The following CSPP1 variants were observed in gnomAD, a reference collection of about 807,000 sequenced individuals.
CSPP1 encodes centrosome and spindle pole-associated protein 1.
Under a neutral mutation model 164.4 loss-of-function variants are expected in CSPP1, and 126 were observed. The ratio of observed to expected loss-of-function variants is 0.77; its 90% CI spans 0.66 to 0.89. The LOEUF (loss-of-function observed/expected upper bound fraction) is 0.89. Among genes scored for constraint, CSPP1 ranks in the 40% least tolerant of loss-of-function variants. CSPP1 has a pLI of 0.00. For synonymous variants in CSPP1, 472 were observed against 476.7 expected, an observed-to-expected ratio of 0.99 and a Z score of 0.13; for missense variants, 1,395 against 1,449.8, an observed-to-expected ratio of 0.96 and a Z score of 0.61.
intron 4 of CSPP1, among the ~76,000 whole-genome samples, chr8:67,088,632 G>C (rs62513083): frequency 1 from 149,784 of 149,790 alleles, 74,889 homozygotes; most frequent in Non-Finnish European, 1. Flanking sequence ...GGGCACGGCT[G>C]ACGCCTGTAA....
At position 67,180,371 on chromosome 8, in the gene CSPP1, A is replaced by G. The variant is rs115897198; in HGVS notation, c.3220+445A>G. ...TACTACTGTATGATTCAATTTACAT[A>G]ACATTTTTGAAATTACAAAATTAAG... On this transcript the variant is annotated intron_variant, in intron 28 of 30. Coordinates refer to ENST00000678616, the MANE Select transcript of CSPP1 (RefSeq NM_001382391.1). Among the ~76,000 whole-genome samples the G allele has an allele frequency of 5.9e-3, 892 of 152,362 alleles. 7 individuals carry two copies. Among genetic ancestry groups the G allele is most frequent in the African/African-American group, 0.02 (833 of 41,582 alleles).
chr8:67,183,304 T>A (rs372347827), intron 28 of CSPP1, among the ~76,000 whole-genome samples: 7 of 152,210 alleles, frequency 4.6e-5, no homozygotes, highest in Non-Finnish European at 8.8e-5. Context: ...CTGGATATAA[T>A]GGATGTCGAA....
In CSPP1 at chr8:67,082,057, A is replaced by C. The variant is rs1809305507; in HGVS notation, c.200-3950A>C. On this transcript the variant is annotated intron_variant, in intron 3 of 30. Coordinates refer to ENST00000678616, the MANE Select transcript of CSPP1 (RefSeq NM_001382391.1). ...CATCTGTCTAGTTGTAGTTTTAATT[A>C]TTTGTTTTGAGATAGAGTCTCGCTC... Among the ~76,000 whole-genome samples, 10 of 152,036 alleles carry C rather than the reference A, an allele frequency of 6.6e-5. No homozygotes were observed. The South Asian group carries it at 2.1e-3, about 32-fold the overall frequency.
chr8:67,110,885 T>C (rs1176336742), intron 9 of CSPP1, among the ~76,000 whole-genome samples: 1 of 152,172 alleles, frequency 6.6e-6, no homozygotes, highest in Non-Finnish European at 1.5e-5. Context: ...TGTTTATTTG[T>C]TTTTTAAACT....
intron 3 of CSPP1, among the ~76,000 whole-genome samples, chr8:67,078,892 G>A (rs1256547348): frequency 1.3e-5 from 2 of 152,082 alleles, no homozygotes; most frequent in Non-Finnish European, 2.9e-5. Context: ...AGGATCACTT[G>A]AACCTAGGAG....
intron 24 of CSPP1, among the ~76,000 whole-genome samples, chr8:67,171,111 G>C (rs1293825400): frequency 6.8e-6 from 1 of 147,894 alleles, no homozygotes; most frequent in East Asian, 2.1e-4. Flanking sequence ...TTTAAGAGAC[G>C]GGGGGCCGGG....
At chr8:67,167,557 G>A (rs1244422320) in intron 24 of CSPP1, among the ~76,000 whole-genome samples, 5 of 150,286 alleles carry the variant, frequency 3.3e-5, no homozygotes, top group African/African-American at 7.3e-5. Flanking sequence ...GCTGCTGGGC[G>A]GAGGGGCTCC....
chr8:67,181,518 T>C lies in CSPP1; in HGVS notation c.3220+1592T>C, dbSNP rs142531370. On this transcript the variant is annotated intron_variant, in intron 28 of 30. Coordinates refer to ENST00000678616, the MANE Select transcript of CSPP1 (RefSeq NM_001382391.1). ...CCACTCAAGATGGTGTGTTGGAGTA[T>C]TGCATGACACTAGAGCAAAGATACA... Among the ~76,000 whole-genome samples, 14 of 152,122 alleles carry C rather than the reference T, an allele frequency of 9.2e-5. No individual in the cohort carries two copies. In the East Asian group the frequency reaches 2.7e-3, roughly 29 times the overall value.
At chr8:67,076,857 G>A (rs771064646) in intron 3 of CSPP1, among the ~76,000 whole-genome samples, 2 of 152,138 alleles carry the variant, frequency 1.3e-5, no homozygotes, top group Non-Finnish European at 2.9e-5. Context: ...AAAGGAATTT[G>A]TGTGTGTGAG....
At chr8:67,127,537 C>T (rs183282819) in intron 15 of CSPP1, among the ~76,000 whole-genome samples, 15 of 152,288 alleles carry the variant, frequency 9.8e-5, no homozygotes, top group African/African-American at 2.2e-4. Flanking sequence ...CAGAATAGTA[C>T]GCAGGGCTTT....
chr8:67,156,951 T>C (rs1422039011), intron 19 of CSPP1, among the ~76,000 whole-genome samples: 1 of 152,216 alleles, frequency 6.6e-6, no homozygotes, highest in Non-Finnish European at 1.5e-5. Context: ...GTTGAACAAC[T>C]GTCTAGCATT....
At chr8:67,094,271 CTTTTTTTTTTT>C (rs762941914) in intron 6 of CSPP1, among the ~76,000 whole-genome samples, 3 of 121,500 alleles carry the variant, frequency 2.5e-5, no homozygotes, top group African/African-American at 9.4e-5. Flanking sequence ...TTTATCCTCT[CTTTTTTTTTTT>C]TTTTTTTTTG....
At chr8:67,078,064 T>G (rs111987617) in intron 3 of CSPP1, among the ~76,000 whole-genome samples, 96 of 152,304 alleles carry the variant, frequency 6.3e-4, no homozygotes, top group African/African-American at 2.1e-3. Flanking sequence ...TTTATGAATC[T>G]AAATTTTAAT....
intron 27 of CSPP1, 116 bp downstream of exon 27, chr8:67,177,842 T>C (rs1286743420): frequency 2.5e-6 from 2 of 786,706 alleles, no homozygotes; most frequent in Admixed American, 1.8e-5. Context: ...ATTAAGAACG[T>C]AAGTCTTATC....
At chr8:67,159,911 T>TCTTTCTTC (rs1827660814) in intron 21 of CSPP1, among the ~76,000 whole-genome samples, 3 of 68,096 alleles carry the variant, frequency 4.4e-5, no homozygotes, top group Admixed American at 1.6e-4. Flanking sequence ...TTTCTTTCTT[T>TCTTTCTTC]CTTTCTTTCT....
At chr8:67,131,442 GTT>G (rs1235229911) in intron 15 of CSPP1, among the ~76,000 whole-genome samples, 2 of 152,080 alleles carry the variant, frequency 1.3e-5, no homozygotes, top group Non-Finnish European at 2.9e-5. Context: ...ACAACAATAT[GTT>G]TAACATTTTT....
At position 67,118,308 on chromosome 8, in the gene CSPP1, T is replaced by G; in HGVS notation, c.1557T>G (p.Pro519=). The change falls in exon 14 of 31, where the codon CCT becomes CCG. Residue 519 remains proline, a synonymous_variant. Coordinates refer to ENST00000678616, the MANE Select transcript of CSPP1 (RefSeq NM_001382391.1). ...CTTTGGCTACTAACTATCGAACTCC[T>G]TATGATGATGCATACTATTTTTATG... ...LPPLATNYRT[P]YDDAYYFYGS... is the part of the protein sequence containing the mutation. The G allele has an allele frequency of 6.2e-7, 1 of 1,613,522 alleles. No homozygotes were observed. The highest frequency in any genetic ancestry group is 1.1e-5 in the South Asian group (1 of 91,056).
chr8:67,184,943 C>CAAAAAAAA (rs796384901), intron 28 of CSPP1, among the ~76,000 whole-genome samples: 86 of 56,044 alleles, frequency 1.5e-3, no homozygotes, highest in Non-Finnish European at 1.6e-3. Context: ...ACTAAAAATA[C>CAAAAAAAA]AAAAAAAAAA....
At chr8:67,082,789 C>T (rs1809478977) in intron 3 of CSPP1, among the ~76,000 whole-genome samples, 1 of 152,132 alleles carries the variant, frequency 6.6e-6, no homozygotes, top group African/African-American at 2.4e-5. Flanking sequence ...AGTTCTGAAG[C>T]ATAATGTTAA....
Sources: gnomAD v4.1 joint callset for allele counts (sites outside exome capture counted in the v4.1 genomes callset) on GRCh38, gnomAD v4.1.1 for gene constraint, MANE v1.5 for transcripts, NCBI Gene and HGNC (gene_info 2026-07-23, HGNC 2026-07-21) for gene names.